The following SASH1 variants were observed in gnomAD, a reference collection of about 807,000 sequenced individuals.
SASH1 encodes SAM and SH3 domain-containing protein 1.
In SASH1, 44 loss-of-function variants were observed where a neutral mutation model predicts 125.2. That is an observed-to-expected ratio of 0.35 (90% CI 0.28 to 0.45). SASH1 has a LOEUF of 0.45. Among genes scored for constraint, SASH1 ranks in the 20% least tolerant of loss-of-function variants. The pLI is 1.00. For synonymous variants in SASH1, 639 were observed against 649.1 expected (o/e 0.98, Z 0.24); for missense variants, 1,426 against 1,614.5 (o/e 0.88, Z 2.00).
chr6:148,524,121 ATTTT>A (rs796565408), intron 10 of SASH1, among the ~76,000 whole-genome samples: 2 of 128,610 alleles, frequency 1.6e-5, no homozygotes, highest in Admixed American at 7.9e-5. Context: ...ATATATATAT[ATTTT>A]TTTTAATGAA....
intron 1 of SASH1, among the ~76,000 whole-genome samples, chr6:148,273,816 C>T (rs1441753370): frequency 6.6e-6 from 1 of 152,180 alleles, no homozygotes; most frequent in Non-Finnish European, 1.5e-5. Flanking sequence ...TTGCTCACTA[C>T]TGTCTCTGAG....
chr6:148,448,486 G>T (rs1033559773), intron 4 of SASH1, among the ~76,000 whole-genome samples: 3 of 152,064 alleles, frequency 2.0e-5, no homozygotes, highest in African/African-American at 7.2e-5. Context: ...TGTTGCATTG[G>T]GTCCTGCTGA....
the SASH1 span, among the ~76,000 whole-genome samples, chr6:148,212,818 A>G: frequency 3.3e-5 from 5 of 152,186 alleles, no homozygotes; most frequent in Non-Finnish European, 7.3e-5. Context: ...AAAAAGTAAT[A>G]TAGAGAGGAG....
intron 4 of SASH1, among the ~76,000 whole-genome samples, chr6:148,461,732 G>T (rs535742996): frequency 6.6e-6 from 1 of 152,200 alleles, no homozygotes; most frequent in African/African-American, 2.4e-5. Flanking sequence ...CTAGTGGATA[G>T]TATGAATTGA....
chr6:148,503,328 T>G (rs1267218290), intron 8 of SASH1, among the ~76,000 whole-genome samples: 1 of 151,702 alleles, frequency 6.6e-6, no homozygotes, highest in Admixed American at 6.6e-5. Flanking sequence ...AAAAAAAGAA[T>G]GTGTTAGACA....
chr6:148,434,369 G>A lies in SASH1; in HGVS notation c.286-5815G>A, dbSNP rs1003091096. Among the ~76,000 whole-genome samples, 10 of 152,056 alleles carry A rather than the reference G, an allele frequency of 6.6e-5. No homozygotes were observed. In the East Asian group the frequency reaches 9.6e-4, roughly 15 times the overall value. On this transcript the variant is annotated intron_variant, in intron 2 of 19. Coordinates refer to ENST00000367467, the MANE Select transcript of SASH1 (RefSeq NM_015278.5). ...GGATTACAGGCATGAGCCACCGTGC[G>A]CGGCCTGGAGATCGTATTTTTAAGC...
intron 1 of SASH1, among the ~76,000 whole-genome samples, chr6:148,389,824 G>T (rs962981696): frequency 2.0e-5 from 3 of 152,200 alleles, no homozygotes; most frequent in African/African-American, 7.2e-5. Flanking sequence ...TGAAGACTTT[G>T]GTGTTGGCAC....
chr6:148,389,194 C>A (rs1235168112), intron 1 of SASH1, among the ~76,000 whole-genome samples: 1 of 152,024 alleles, frequency 6.6e-6, no homozygotes, highest in Non-Finnish European at 1.5e-5. Context: ...ACTACACGAG[C>A]CGGCTAAAGT....
At chr6:148,195,234 C>T in the SASH1 span, among the ~76,000 whole-genome samples, 1 of 152,114 alleles carries the variant, frequency 6.6e-6, no homozygotes, top group Admixed American at 6.6e-5. Flanking sequence ...TTTTGACAAA[C>T]TATAGAAAAA....
At chr6:148,195,421 G>A in the SASH1 span, among the ~76,000 whole-genome samples, 36 of 152,204 alleles carry the variant, frequency 2.4e-4, no homozygotes, top group African/African-American at 8.2e-4. Flanking sequence ...CATTGGTCCT[G>A]TCCACCCAGA....
Position 148,548,576 on chromosome 6 carries a change from C to G in SASH1, c.*18C>G, listed in dbSNP as rs1294599956. Reference sequence around the variant, plus strand: ...CCATGTAGCCAGGCCCGGAATGGGCCTCTCTGGACAAGAGCCACCCTTTCA... The same window carrying G: ...CCATGTAGCCAGGCCCGGAATGGGCGTCTCTGGACAAGAGCCACCCTTTCA... On this transcript the variant is annotated 3_prime_UTR_variant, in exon 20 of 20. Coordinates refer to ENST00000367467, the MANE Select transcript of SASH1 (RefSeq NM_015278.5). 2 of 1,571,822 alleles carry G rather than the reference C, an allele frequency of 1.3e-6. No individual in the cohort carries two copies. Among genetic ancestry groups the G allele is most frequent in the Admixed American group, 3.7e-5 (2 of 53,612 alleles).
At chr6:148,272,414 T>G (rs1474318727) in intron 1 of SASH1, 2 of 469,788 alleles carry the variant, frequency 4.3e-6, no homozygotes, top group Non-Finnish European at 8.8e-6. Flanking sequence ...TTAAGACTGT[T>G]TTTGGTGCCT....
Position 148,402,343 on chromosome 6 carries a change from C to T in SASH1, c.285+12081C>T, listed in dbSNP as rs1440404811. ...TTTGTTTTTTTGTTTAAGAGTCTTG[C>T]TCTGTCACCCAGGCTGGAGTGAAGT... On this transcript the variant is annotated intron_variant, in intron 2 of 19. Coordinates refer to ENST00000367467, the MANE Select transcript of SASH1 (RefSeq NM_015278.5). Among the ~76,000 whole-genome samples, 3 of 152,146 alleles carry T rather than the reference C, an allele frequency of 2.0e-5. No homozygotes were observed. In the East Asian group the frequency reaches 5.8e-4, roughly 29 times the overall value.
chr6:148,461,767 TAAAC>T (rs992879900), intron 4 of SASH1, among the ~76,000 whole-genome samples: 1 of 152,212 alleles, frequency 6.6e-6, no homozygotes, highest in Non-Finnish European at 1.5e-5. Flanking sequence ...CTATTTCTCT[TAAAC>T]AGAGGAGATA....
At chr6:148,194,583 T>C in the SASH1 span, among the ~76,000 whole-genome samples, 6 of 152,214 alleles carry the variant, frequency 3.9e-5, no homozygotes, top group East Asian at 9.6e-4. Flanking sequence ...ACTGAAACAT[T>C]GGTTTCTAAA....
chr6:148,241,142 T>C, the SASH1 span, among the ~76,000 whole-genome samples: 20 of 152,342 alleles, frequency 1.3e-4, no homozygotes, highest in African/African-American at 4.3e-4. Flanking sequence ...TAGGTACTCA[T>C]TGAAATAAAT....
At chr6:148,201,574 A>G in the SASH1 span, among the ~76,000 whole-genome samples, 2 of 152,114 alleles carry the variant, frequency 1.3e-5, no homozygotes, top group South Asian at 2.1e-4. Flanking sequence ...CTCGGGGCAC[A>G]CTTTGAGAAT....
chr6:148,363,464 C>T (rs1290521536), intron 1 of SASH1, among the ~76,000 whole-genome samples: 6 of 151,810 alleles, frequency 4.0e-5, no homozygotes, highest in African/African-American at 4.8e-5. Flanking sequence ...TGCAGTGGCA[C>T]GATCTTCGCT....
intron 1 of SASH1, among the ~76,000 whole-genome samples, chr6:148,388,441 T>A (rs1412586770): frequency 6.6e-6 from 1 of 152,164 alleles, no homozygotes; most frequent in Non-Finnish European, 1.5e-5. Context: ...CAAGACTGAT[T>A]GTAGTGAAGG....
Sources: allele counts gnomAD v4.1 joint callset (sites outside exome capture counted in the v4.1 genomes callset), GRCh38; gene constraint gnomAD v4.1.1; transcripts MANE v1.5; gene names NCBI Gene and HGNC (gene_info 2026-07-23, HGNC 2026-07-21).